The following HIP1R variants were observed in gnomAD, a reference collection of about 807,000 sequenced individuals.
The protein encoded by HIP1R is huntingtin-interacting protein 1-related protein.
Under a neutral mutation model 144.2 loss-of-function variants are expected in HIP1R, and 135 were observed. That is an observed-to-expected ratio of 0.94 (90% CI 0.81 to 1.08). HIP1R has a LOEUF of 1.08. Among genes scored for constraint, HIP1R ranks in the 50% least tolerant of loss-of-function variants. The pLI is 0.00. For missense variants in HIP1R, 1,462 were observed against 1,432.8 expected (o/e 1.02, Z -0.33); for synonymous variants, 698 against 612.8 (o/e 1.14, Z -2.05).
At position 122,851,257 on chromosome 12, in the gene HIP1R, GT is replaced by G; in HGVS notation, c.540del (p.Phe180LeufsTer8). The part of the protein sequence containing the change: ...NNIFQLTVEM[F>X]DYMDCELKLS... ...GTAGCTTCCAGCTCACTGTGGAGAT[GT>G]TTGATTACATGGATTGTGAGCTGAA... On this transcript the variant is annotated frameshift_variant, in exon 7 of 32. Coordinates refer to ENST00000253083, the MANE Select transcript of HIP1R (RefSeq NM_003959.3). LOFTEE classifies it high-confidence loss of function. 1 of 1,551,182 alleles carries G rather than the reference GT, an allele frequency of 6.4e-7. No homozygotes were observed. The highest frequency in any genetic ancestry group is 2.2e-5 in the Admixed American group (1 of 45,556).
In HIP1R at chr12:122,862,562, G is replaced by A. The variant is rs2033802784; in HGVS notation, c.*809G>A. 6.6e-6 allele frequency: 1 copy of A among 152,294 alleles called. No homozygotes were observed. Among genetic ancestry groups the A allele is most frequent in the African/African-American group, 2.4e-5 (1 of 41,464 alleles). The allele number at this position is 152,294 out of a possible 1,614,324, so 9.4% of individuals were successfully genotyped here. A position where few individuals can be genotyped will look rare whatever the true frequency, so the allele number is the denominator to read the frequency against. ...GGGGTGGTTTCCAGCCCTCCGGAGA[G>A]TGGGCTTGGCCCTAGGCCCTCCAGC... On this transcript the variant is annotated 3_prime_UTR_variant, in exon 32 of 32. Transcript: ENST00000253083.
In HIP1R at chr12:122,836,199, G is replaced by A. The variant is rs2032890757; in HGVS notation, c.93+556G>A. On this transcript the variant is annotated intron_variant, in intron 1 of 31. Coordinates refer to ENST00000253083, the MANE Select transcript of HIP1R (RefSeq NM_003959.3). This position sits in a 1 kb window ranked among gnomAD's most constrained non-coding sequence, Gnocchi z 4.1. Reference sequence around the variant, plus strand: ...CTTAAACTCCCAGCTTCCTTCTCTCGTGAGCGGTTTCCCAGGGCTGCACAG... The same window carrying A: ...CTTAAACTCCCAGCTTCCTTCTCTCATGAGCGGTTTCCCAGGGCTGCACAG... Among the ~76,000 whole-genome samples, 1 of 151,928 alleles carries A rather than the reference G, an allele frequency of 6.6e-6. No individual in the cohort carries two copies. The highest frequency in any genetic ancestry group is 1.5e-5 in the Non-Finnish European group (1 of 68,002).
At position 122,840,068 on chromosome 12, in the gene HIP1R, C is replaced by G. The variant is rs1406025046; in HGVS notation, c.93+4425C>G. On this transcript the variant is annotated intron_variant, in intron 1 of 31. Transcript: ENST00000253083. The surrounding 1 kb of genome is among the most constrained non-coding windows in gnomAD (Gnocchi z 4.2). ...GTCTCGCCCCGTGACATCCTCTGCT[C>G]GGTTCCACCCCATCAGCCCACATGG... 1.3e-5 allele frequency among the ~76,000 whole-genome samples: 2 copies of G among 152,266 alleles called. No individual in the cohort carries two copies. Among genetic ancestry groups the G allele is most frequent in the East Asian group, 1.9e-4 (1 of 5,204 alleles).
chr12:122,855,359 A>C lies in HIP1R; in HGVS notation c.947A>C (p.Glu316Ala). 1 of 1,602,110 alleles carries C rather than the reference A, an allele frequency of 6.2e-7. No homozygotes were observed. Among genetic ancestry groups the C allele is most frequent in the South Asian group, 1.1e-5 (1 of 89,854 alleles). ...PEEAPEDEEPENLIEISTGPP... is the reference protein window; with the variant it reads ...PEEAPEDEEPANLIEISTGPP... ...GAGGCCCCGGAAGATGAGGAGCCGG[A>C]GAATCTCATTGAGATCAGCACAGGG... Residue 316 changes from glutamate to alanine, a missense_variant, in exon 11 of 32, where the codon GAG becomes GCG. Coordinates refer to ENST00000253083, the MANE Select transcript of HIP1R (RefSeq NM_003959.3).
At position 122,848,094 on chromosome 12, in the gene HIP1R, C is replaced by T. The variant is rs765243628; in HGVS notation, c.157C>T (p.Arg53Cys). ...CCCCGTGAAGGAGAAGCACGCCCGG[C>T]GTATCCTTGGCCGGCTCTTGGACCC... is the stretch of plus-strand genomic sequence containing the variant. Reference protein sequence around the residue: ...EAPVKEKHARRIILGTHHEKG... With the variant: ...EAPVKEKHARCIILGTHHEKG... Residue 53 changes from arginine to cysteine, a missense_variant and splice_region_variant, in exon 2 of 32, where the codon CGC (arginine) becomes TGC (cysteine). By Grantham distance (180) the Arg-to-Cys change is radical. Transcript: ENST00000253083. 1.1e-5 allele frequency: 18 copies of T among 1,613,256 alleles called. No individual in the cohort carries two copies. The highest frequency in any genetic ancestry group is 4.5e-5 in the East Asian group (2 of 44,888).
At chr12:122,849,356 G>C (rs374187498) in intron 4 of HIP1R, among the ~76,000 whole-genome samples, 24 of 152,238 alleles carry the variant, frequency 1.6e-4, no homozygotes, top group African/African-American at 5.3e-4. Context: ...TGGGGTGCTC[G>C]TCTGCCTGGG....
Position 122,848,771 on chromosome 12 carries a change from C to T in HIP1R, c.301-25C>T, listed in dbSNP as rs749919060. On this transcript the variant is annotated intron_variant, in intron 3 of 31. Transcript: ENST00000253083. Reference sequence around the variant, plus strand: ...TGCCACACGGTCCTGGACACTCCCCCACTCCCGTATTCCCTGCGCTGCAGG... The same window carrying T: ...TGCCACACGGTCCTGGACACTCCCCTACTCCCGTATTCCCTGCGCTGCAGG... 3 of 1,612,574 alleles carry T rather than the reference C, an allele frequency of 1.9e-6. No individual in the cohort carries two copies. In the East Asian group the frequency reaches 6.7e-5, roughly 36 times the overall value.
At chr12:122,838,878 C>T (rs1342280594) in intron 1 of HIP1R, among the ~76,000 whole-genome samples, 1 of 152,216 alleles carries the variant, frequency 6.6e-6, no homozygotes, top group Non-Finnish European at 1.5e-5. Flanking sequence ...GGGCATCCTC[C>T]ACAGCCTGGA....
Position 122,855,327 on chromosome 12 carries a change from C to T in HIP1R, c.915C>T (p.Ile305=), listed in dbSNP as rs760129648. Residue 305 remains isoleucine, a synonymous_variant, in exon 11 of 32, where the codon ATC becomes ATT. Transcript: ENST00000253083. ...LAEHIKPVVV[I]PEEAPEDEEP... ...AGCACATCAAGCCGGTGGTGGTGAT[C>T]CCCGAGGAGGCCCCGGAAGATGAGG... is the stretch of plus-strand genomic sequence containing the variant. The T allele has an allele frequency of 1.2e-6, 2 of 1,611,994 alleles. No homozygotes were observed. Among genetic ancestry groups the T allele is most frequent in the Non-Finnish European group, 1.7e-6 (2 of 1,179,608 alleles).
chr12:122,858,346 C>T lies in HIP1R; in HGVS notation c.1964-3C>T. ...GGGGCCTCAGTTCTCCTCGTGCTTGCAGACTACCTGGTGAGCAGGGCCCAG... is the reference window on the plus strand; with the variant it reads ...GGGGCCTCAGTTCTCCTCGTGCTTGTAGACTACCTGGTGAGCAGGGCCCAG... On this transcript the variant is annotated splice_region_variant and splice_polypyrimidine_tract_variant and intron_variant, in intron 19 of 31. Transcript: ENST00000253083. The T allele has an allele frequency of 6.2e-7, 1 of 1,606,594 alleles. No individual in the cohort carries two copies. The highest frequency in any genetic ancestry group is 8.5e-7 in the Non-Finnish European group (1 of 1,175,572).
rs1350371948 is a variant in HIP1R at position 122,858,157 on chromosome 12, T to TG, written c.1872dup (p.Arg625AlafsTer171). On this transcript the variant is annotated frameshift_variant, in exon 19 of 32. Transcript: ENST00000253083. LOFTEE classifies it high-confidence loss of function. ...CTGCTGGACGAGCAGTTCGCAGTGT[T>TG]GCGGGGCGCTGCTGCCGAGGCCGCG... is the stretch of plus-strand genomic sequence containing the variant. 1.9e-6 allele frequency: 3 copies of TG among 1,605,878 alleles called. No homozygotes were observed. The East Asian group carries it at 6.7e-5, about 36-fold the overall frequency.
intron 4 of HIP1R, among the ~76,000 whole-genome samples, 188 bp downstream of exon 4, chr12:122,849,040 G>A (rs1278879284): frequency 1.3e-5 from 2 of 152,206 alleles, no homozygotes; most frequent in Admixed American, 6.5e-5. Context: ...CGCTCCACAC[G>A]CATAACCAGT....
intron 17 of HIP1R, 71 bp downstream of exon 17, chr12:122,856,797 C>T: frequency 7.5e-7 from 1 of 1,332,756 alleles, no homozygotes; most frequent in Non-Finnish European, 1.0e-6. Context: ...GTCCTCTTTC[C>T]CGTGAACAGG....
intron 18 of HIP1R, 22 bp from the exon 19 acceptor site, chr12:122,858,079 GT>G: frequency 7.3e-7 from 1 of 1,378,782 alleles, no homozygotes; most frequent in Non-Finnish European, 9.5e-7. Flanking sequence ...TCTCTAACCT[GT>G]CCTCTTCACC....
At chr12:122,860,829 C>T in intron 28 of HIP1R, 45 bp downstream of exon 28, 1 of 1,600,950 alleles carries the variant, frequency 6.2e-7, no homozygotes, top group African/African-American at 1.3e-5. Flanking sequence ...CTGGGCCCAG[C>T]TTGGCCTGGG....
chr12:122,855,923 G>C lies in HIP1R; in HGVS notation c.1128+20G>C, dbSNP rs554891938. 2 of 1,563,854 alleles carry C rather than the reference G, an allele frequency of 1.3e-6. No homozygotes were observed. The highest frequency in any genetic ancestry group is 1.7e-6 in the Non-Finnish European group (2 of 1,153,884). On this transcript the variant is annotated intron_variant, in intron 13 of 31. Transcript: ENST00000253083. Reference sequence around the variant, plus strand: ...CTGGAGGTGCGGGGTGGGGATGGGTGGGGGCCAGGGCCCCTCACGGCCCAG... The same window carrying C: ...CTGGAGGTGCGGGGTGGGGATGGGTCGGGGCCAGGGCCCCTCACGGCCCAG...
rs1310888625 is a variant in HIP1R at position 122,857,059 on chromosome 12, T to C, written c.1659T>C (p.Ser553=). The C allele has an allele frequency of 3.2e-6, 5 of 1,550,948 alleles. No homozygotes were observed. The East Asian group carries it at 1.2e-4, about 38-fold the overall frequency. ...SELSSRLDTL[S]AEKDALSGAV... ...TGAGCTCACGGCTGGACACGCTGAG[T>C]GCGGAGAAGGATGCTCTGAGTGGAG... The change falls in exon 18 of 32, where the codon AGT becomes AGC. Residue 553 remains serine (S), a synonymous_variant. Transcript: ENST00000253083.
chr12:122,855,965 C>T lies in HIP1R; in HGVS notation c.1129-15C>T, dbSNP rs1251426019. On this transcript the variant is annotated splice_polypyrimidine_tract_variant and intron_variant, in intron 13 of 31. Transcript: ENST00000253083. Reference sequence around the variant, plus strand: ...ACGGCCCAGGCAGGGCCCCACGTCACACCTCCTCCCGCAGGCCCAGCGGTA... The same window carrying T: ...ACGGCCCAGGCAGGGCCCCACGTCATACCTCCTCCCGCAGGCCCAGCGGTA... 1.9e-6 allele frequency: 3 copies of T among 1,576,756 alleles called. No individual in the cohort carries two copies. The highest frequency in any genetic ancestry group is 2.6e-6 in the Non-Finnish European group (3 of 1,161,854).
At position 122,849,956 on chromosome 12, in the gene HIP1R, G is replaced by A; in HGVS notation, c.438+1G>A. 6.2e-7 allele frequency: 1 copy of A among 1,612,382 alleles called. No individual in the cohort carries two copies. Among genetic ancestry groups the A allele is most frequent in the Non-Finnish European group, 8.5e-7 (1 of 1,178,794 alleles). ...GACCAAGATCTCCTTCCACCTCAAG[G>A]TGGTTTCCTCGGGGGAGTCATGGGG... On this transcript the variant is annotated splice_donor_variant, in intron 5 of 31. Coordinates refer to ENST00000253083, the MANE Select transcript of HIP1R (RefSeq NM_003959.3). LOFTEE classifies it high-confidence loss of function.
Sources: allele counts gnomAD v4.1 joint callset (sites outside exome capture counted in the v4.1 genomes callset), GRCh38; gene constraint gnomAD v4.1.1; non-coding constraint Gnocchi (gnomAD v3.1); transcripts MANE v1.5; gene names NCBI Gene and HGNC (gene_info 2026-07-23, HGNC 2026-07-21).